Variants in CFAP65 observed in about 807,000 individuals in gnomAD.
CFAP65 encodes the protein cilia- and flagella-associated protein 65.
A neutral mutation model predicts 208.0 loss-of-function variants in CFAP65; 155 were observed. The observed-to-expected ratio is 0.75, with a 90% CI of 0.65 to 0.85. The LOEUF (loss-of-function observed/expected upper bound fraction) is 0.85, where lower values mean the gene tolerates loss of function less well. CFAP65 is among the 40% of genes least tolerant of loss of function. CFAP65 has a pLI of 0.00. For synonymous variants in CFAP65, 970 were observed against 986.3 expected, an observed-to-expected ratio of 0.98 and a Z score of 0.31; for missense variants, 2,294 against 2,451.3, an observed-to-expected ratio of 0.94 and a Z score of 1.36.
chr2:219,032,338 A>C lies in CFAP65; in HGVS notation c.645+132T>G. On this transcript the variant is annotated intron_variant, in intron 6 of 34. Coordinates refer to ENST00000341552, the MANE Select transcript of CFAP65 (RefSeq NM_194302.4). This position sits in a 1 kb window ranked among gnomAD's most constrained non-coding sequence, Gnocchi z 5.5. ...GGCTAAGCCCTTGACGGGGCCTCCCAAGCTGGATTGCTGCTGGAGCGGGCA... is the reference window on the plus strand; with the variant it reads ...GGCTAAGCCCTTGACGGGGCCTCCCCAGCTGGATTGCTGCTGGAGCGGGCA... The C allele has an allele frequency of 1.4e-6, 1 of 728,424 alleles. No homozygotes were observed. Among genetic ancestry groups the C allele is most frequent in the South Asian group, 2.1e-5 (1 of 47,362 alleles). The allele number at this position is 728,424 out of a possible 1,614,324, so 45.1% of individuals were successfully genotyped here. A position where few individuals can be genotyped will look rare whatever the true frequency, so the allele number is the denominator to read the frequency against.
rs1482475286 is a variant in CFAP65, at chr2:219,031,921, TTTTC to T, written c.646-267_646-264del. ...AGGAATGTAGAAGGGGTTTCTTTTCTTTTCTTTTTTTTTTTTTTTTTTTGAGTCT... is the reference window on the plus strand; with the variant it reads ...AGGAATGTAGAAGGGGTTTCTTTTCTTTTTTTTTTTTTTTTTTTTGAGTCT... On this transcript the variant is annotated intron_variant, in intron 6 of 34. Coordinates refer to ENST00000341552, the MANE Select transcript of CFAP65 (RefSeq NM_194302.4). The surrounding 1 kb of genome is among the most constrained non-coding windows in gnomAD (Gnocchi z 5.2). Among the ~76,000 whole-genome samples the T allele has an allele frequency of 7.0e-6, 1 of 143,086 alleles. No individual in the cohort carries two copies. Among genetic ancestry groups the T allele is most frequent in the East Asian group, 2.0e-4 (1 of 5,062 alleles). The allele number at this position is 143,086 out of a possible 152,430, so 93.9% of individuals were successfully genotyped here.
chr2:219,003,036 G>C lies in CFAP65; in HGVS notation c.5694-15C>G. On this transcript the variant is annotated splice_polypyrimidine_tract_variant and intron_variant, in intron 34 of 34. Coordinates refer to ENST00000341552, the MANE Select transcript of CFAP65 (RefSeq NM_194302.4). The surrounding 1 kb of genome is among the most constrained non-coding windows in gnomAD (Gnocchi z 4.4). ...GGGTCAGACTCCTGGAAGACAAAAA[G>C]TCCCAGGTAGGCGTGGGGGCGAGGC... is the stretch of plus-strand genomic sequence containing the variant. The C allele has an allele frequency of 1.3e-6, 2 of 1,553,510 alleles. No individual in the cohort carries two copies. The highest frequency in any genetic ancestry group is 1.7e-6 in the Non-Finnish European group (2 of 1,147,778).
rs73089096 is a variant in CFAP65 at position 219,007,405 on chromosome 2, C to T, written c.4675-896G>A. Among the ~76,000 whole-genome samples, 1,551 of 152,172 alleles carry T rather than the reference C, an allele frequency of 0.01. 50 individuals carry two copies. In the South Asian group the frequency reaches 0.1, roughly 10 times the overall value. On this transcript the variant is annotated intron_variant, in intron 29 of 34. Coordinates refer to ENST00000341552, the MANE Select transcript of CFAP65 (RefSeq NM_194302.4). Reference sequence around the variant, plus strand: ...TGTTGTCCAAGGCTGGTTTTGATCTCCTAGGCTCAAGCAATCCTCATGCCT... The same window carrying T: ...TGTTGTCCAAGGCTGGTTTTGATCTTCTAGGCTCAAGCAATCCTCATGCCT...
chr2:219,018,985 C>G, intron 21 of CFAP65, 66 bp downstream of exon 21: 1 of 1,606,132 alleles, frequency 6.2e-7, no homozygotes. Context: ...GAGTGCAGCT[C>G]TTGTTCTCCT....
Position 219,005,429 on chromosome 2 carries a change from G to C in CFAP65, c.5051+5C>G. The C allele has an allele frequency of 6.2e-7, 1 of 1,613,724 alleles. No individual in the cohort carries two copies. Among genetic ancestry groups the C allele is most frequent in the Middle Eastern group, 1.7e-4 (1 of 6,046 alleles). On this transcript the variant is annotated splice_donor_5th_base_variant and intron_variant, in intron 32 of 34. Transcript: ENST00000341552. ...GCAATGAGGGCCCAGGGTGTGAGCT[G>C]GTACCTGATTATTGTGGTGAGAATG...
At chr2:219,035,797 T>C (rs1450236466) in intron 4 of CFAP65, 133 bp from the exon 5 acceptor site, 6 of 1,442,028 alleles carry the variant, frequency 4.2e-6, no homozygotes, top group South Asian at 3.0e-5. Context: ...AAAACGATGA[T>C]TGACACCACC....
intron 19 of CFAP65, among the ~76,000 whole-genome samples, 194 bp downstream of exon 19, chr2:219,020,958 G>T (rs1323280112): frequency 6.6e-6 from 1 of 152,206 alleles, no homozygotes; most frequent in African/African-American, 2.4e-5. Flanking sequence ...CTGGGCACAT[G>T]CACATATGGA....
At position 219,032,292 on chromosome 2, in the gene CFAP65, C is replaced by A. The variant is rs1948102905; in HGVS notation, c.645+178G>T. Among the ~76,000 whole-genome samples the A allele has an allele frequency of 1.3e-5, 2 of 152,186 alleles. No homozygotes were observed. The highest frequency in any genetic ancestry group is 1.3e-4 in the Admixed American group (2 of 15,286). On this transcript the variant is annotated intron_variant, in intron 6 of 34. Coordinates refer to ENST00000341552, the MANE Select transcript of CFAP65 (RefSeq NM_194302.4). The surrounding 1 kb of genome is among the most constrained non-coding windows in gnomAD (Gnocchi z 5.5). ...ACCCCCAGCATCTCCTGGGGAACGC[C>A]CTCTGTCTAATGAGATGAGGGGCTA...
rs747242154 is a variant in CFAP65, at chr2:219,010,591, C to T, written c.4263G>A (p.Ser1421=). The T allele has an allele frequency of 1.4e-5, 23 of 1,611,564 alleles. No homozygotes were observed. The East Asian group carries it at 3.3e-4, about 23-fold the overall frequency. Residue 1421 remains serine (S), a synonymous_variant, in exon 26 of 35, where the codon TCG becomes TCA. Transcript: ENST00000341552. ...GDTAPFHNIS[S]WDNSSIHSRL... is the part of the protein sequence containing the mutation. Reference sequence around the variant, plus strand: ...TAGAGTGTATGGAACTGTTGTCCCACGAGGAGATGTTGTGGAATGGGGCTG... The same window carrying T: ...TAGAGTGTATGGAACTGTTGTCCCATGAGGAGATGTTGTGGAATGGGGCTG...
In CFAP65 at chr2:219,031,925, C is replaced by CTTTTTTTTTT. The variant is rs5838715; in HGVS notation, c.646-277_646-268dup. Reference sequence around the variant, plus strand: ...ATGTAGAAGGGGTTTCTTTTCTTTTCTTTTTTTTTTTTTTTTTTTGAGTCT... The same window carrying CTTTTTTTTTT: ...ATGTAGAAGGGGTTTCTTTTCTTTTCTTTTTTTTTTTTTTTTTTTTTTTTTTTTTGAGTCT... On this transcript the variant is annotated intron_variant, in intron 6 of 34. Transcript: ENST00000341552. The surrounding 1 kb of genome is among the most constrained non-coding windows in gnomAD (Gnocchi z 5.2). 7.6e-5 allele frequency among the ~76,000 whole-genome samples: 10 copies of CTTTTTTTTTT among 131,366 alleles called. No individual in the cohort carries two copies. Among genetic ancestry groups the CTTTTTTTTTT allele is most frequent in the Non-Finnish European group, 9.9e-5 (6 of 60,858 alleles). 86.2% of individuals were successfully genotyped at this position (131,366 alleles called of 152,430 possible).
chr2:219,024,470 A>AGGGAGACGG (rs1168795562), intron 14 of CFAP65, among the ~76,000 whole-genome samples: 3 of 6,948 alleles, frequency 4.3e-4, no homozygotes, highest in African/African-American at 2.1e-3. Context: ...ACCTCCAGAA[A>AGGGAGACGG]GGGGCGGGGG....
At chr2:219,040,189 A>C (rs1263401057) in intron 2 of CFAP65, among the ~76,000 whole-genome samples, 5 of 152,182 alleles carry the variant, frequency 3.3e-5, no homozygotes, top group Non-Finnish European at 5.9e-5. Flanking sequence ...ATTACGTGTG[A>C]CTTGCCCATT....
At chr2:219,015,915 A>C (rs1484967611) in intron 21 of CFAP65, among the ~76,000 whole-genome samples, 1 of 152,240 alleles carries the variant, frequency 6.6e-6, no homozygotes, top group South Asian at 2.1e-4. Context: ...TTATTGATAT[A>C]ATGCTGAGTG....
chr2:219,029,281 C>G, intron 11 of CFAP65, 122 bp downstream of exon 11: 1 of 1,302,448 alleles, frequency 7.7e-7, no homozygotes, highest in South Asian at 1.5e-5. Flanking sequence ...GAGTGGGAGA[C>G]CACCAGGCAG....
chr2:219,002,873 T>C lies in CFAP65; in HGVS notation c.*64A>G. On this transcript the variant is annotated 3_prime_UTR_variant, in exon 35 of 35. Transcript: ENST00000341552. This position sits in a 1 kb window ranked among gnomAD's most constrained non-coding sequence, Gnocchi z 7.9. Reference sequence around the variant, plus strand: ...CAGAAAAAAGACTAGATGCTTTTACTGGCGGTGGAGAGGGGGCCAGGCGTG... The same window carrying C: ...CAGAAAAAAGACTAGATGCTTTTACCGGCGGTGGAGAGGGGGCCAGGCGTG... The C allele has an allele frequency of 2.9e-6, 4 of 1,374,488 alleles. No homozygotes were observed. Among genetic ancestry groups the C allele is most frequent in the Non-Finnish European group, 4.1e-6 (4 of 985,426 alleles). 85.1% of individuals were successfully genotyped at this position (1,374,488 alleles called of 1,614,324 possible).
intron 19 of CFAP65, 105 bp downstream of exon 19, chr2:219,021,047 C>T: frequency 7.5e-7 from 1 of 1,332,680 alleles, no homozygotes; most frequent in South Asian, 1.8e-5. Flanking sequence ...CCCCACTCAC[C>T]CTGCCAGCTC....
In CFAP65 at chr2:219,019,804, C is replaced by T. The variant is rs1574584377; in HGVS notation, c.3260-85G>A. 1.5e-5 allele frequency: 18 copies of T among 1,174,452 alleles called. No homozygotes were observed. In the South Asian group the frequency reaches 2.3e-4, roughly 15 times the overall value. The allele number at this position is 1,174,452 out of a possible 1,614,324, so 72.8% of individuals were successfully genotyped here. On this transcript the variant is annotated intron_variant, in intron 19 of 34. Transcript: ENST00000341552. Reference sequence around the variant, plus strand: ...CATGCAGGCCAAAGGTGCAGGAGTCCTGGGCAGTTGGCCCCAGGACCCTCA... The same window carrying T: ...CATGCAGGCCAAAGGTGCAGGAGTCTTGGGCAGTTGGCCCCAGGACCCTCA...
Position 219,031,011 on chromosome 2 carries a change from G to A in CFAP65, c.1015+95C>T. ...GGGCAGGAGGCCGGTGGAGGCGGGG[G>A]CCAGGCCAGATGGGAGGTGGGGGAC... On this transcript the variant is annotated intron_variant, in intron 8 of 34. Coordinates refer to ENST00000341552, the MANE Select transcript of CFAP65 (RefSeq NM_194302.4). This position sits in a 1 kb window ranked among gnomAD's most constrained non-coding sequence, Gnocchi z 5.2. 6.9e-7 allele frequency: 1 copy of A among 1,447,212 alleles called. No homozygotes were observed. Among genetic ancestry groups the A allele is most frequent in the Admixed American group, 2.0e-5 (1 of 48,840 alleles). The allele number at this position is 1,447,212 out of a possible 1,614,324, so 89.6% of individuals were successfully genotyped here.
At chr2:219,012,067 G>A (rs1444727991) in intron 24 of CFAP65, among the ~76,000 whole-genome samples, 1 of 152,006 alleles carries the variant, frequency 6.6e-6, no homozygotes, top group African/African-American at 2.4e-5. Flanking sequence ...CAGGAAGTGG[G>A]CCCCCACCAA....
Sources: gnomAD v4.1 joint callset for allele counts (sites outside exome capture counted in the v4.1 genomes callset) on GRCh38, gnomAD v4.1.1 for gene constraint, Gnocchi (gnomAD v3.1) non-coding constraint, MANE v1.5 for transcripts, NCBI Gene and HGNC (gene_info 2026-07-23, HGNC 2026-07-21) for gene names.